GPS1: variants seen among roughly 807,000 people sequenced by gnomAD.
GPS1 encodes G protein pathway suppressor 1.
In GPS1, 11 loss-of-function variants were observed where a neutral mutation model predicts 60.0. The ratio of observed to expected loss-of-function variants is 0.18; its 90% confidence interval spans 0.12 to 0.30. The LOEUF (loss-of-function observed/expected upper bound fraction) is 0.30. GPS1 is among the 10% of genes least tolerant of loss of function. GPS1 has a pLI of 1.00. For missense variants in GPS1, 543 were observed against 669.2 expected (o/e 0.81, Z 2.08); for synonymous variants, 343 against 269.8 (o/e 1.27, Z -2.66).
chr17:82,055,691 G>T (rs956618540), intron 6 of GPS1, 49 bp from the exon 7 acceptor site: 34 of 1,303,172 alleles, frequency 2.6e-5, no homozygotes, highest in Non-Finnish European at 3.3e-5. Context: ...CCCAGGCTCT[G>T]GGGTCTTACC....
chr17:82,051,295 G>A (rs1167313307), upstream of GPS1: 3 of 1,413,478 alleles, frequency 2.1e-6, no homozygotes, highest in South Asian at 1.8e-5. The surrounding 1 kb of genome is among the most constrained non-coding windows in gnomAD (Gnocchi z 4.1). Flanking sequence ...GACACTCACC[G>A]CCCTGGAGCT....
chr17:82,053,430 C>T (rs928889719), intron 2 of GPS1, 64 bp downstream of exon 2: 16 of 1,151,404 alleles, frequency 1.4e-5, no homozygotes, highest in Non-Finnish European at 1.7e-5. Context: ...GGGCACACTC[C>T]CCGCTGCAGC....
upstream of GPS1, chr17:82,051,803 C>A: frequency 8.8e-7 from 1 of 1,130,380 alleles, no homozygotes; most frequent in African/African-American, 1.7e-5. This position sits in a 1 kb window ranked among gnomAD's most constrained non-coding sequence, Gnocchi z 4.1. Flanking sequence ...GAGCGGAGAA[C>A]CTGGCCGGAG....
Position 82,054,815 on chromosome 17 carries a change from G to T in GPS1, c.609+5G>T, listed in dbSNP as rs752206815. The T allele has an allele frequency of 1.3e-6, 2 of 1,588,426 alleles. No homozygotes were observed. The highest frequency in any genetic ancestry group is 8.6e-7 in the Non-Finnish European group (1 of 1,165,208). On this transcript the variant is annotated splice_donor_5th_base_variant and intron_variant, in intron 4 of 12. Transcript: ENST00000578552. ...ATGTGCCTCAATGTCATCAAGGTCG[G>T]CCTGCCTCGGCGGGCGGGGGTGGGC...
upstream of GPS1, chr17:82,051,315 G>C (rs777629635): frequency 2.8e-6 from 4 of 1,442,640 alleles, no homozygotes; most frequent in South Asian, 6.6e-5. This position sits in a 1 kb window ranked among gnomAD's most constrained non-coding sequence, Gnocchi z 4.1. Context: ...TCGAGCTCAG[G>C]GTCGTCCCCG....
At chr17:82,052,596 C>A in intron 1 of GPS1, 1 of 1,072,868 alleles carries the variant, frequency 9.3e-7, no homozygotes, top group Non-Finnish European at 1.3e-6. Flanking sequence ...GAGGGAGCCC[C>A]GGTGGGCCCG....
chr17:82,055,321 A>T (rs1175781381), intron 6 of GPS1, 99 bp downstream of exon 6: 7 of 1,241,598 alleles, frequency 5.6e-6, no homozygotes, highest in Non-Finnish European at 8.1e-6. Flanking sequence ...GCCAGGGAAA[A>T]CTTCCCTGGC....
At chr17:82,054,342 CTG>C (rs2031970182) in intron 3 of GPS1, 166 bp from the exon 4 acceptor site, 2 of 964,058 alleles carry the variant, frequency 2.1e-6, no homozygotes, top group East Asian at 5.3e-5. Flanking sequence ...GCAGTTCTCT[CTG>C]TGGCCCTGGT....
chr17:82,055,619 GGA>G, intron 6 of GPS1, 119 bp from the exon 7 acceptor site: 1 of 685,936 alleles, frequency 1.5e-6, no homozygotes, highest in Non-Finnish European at 2.6e-6. Flanking sequence ...TCCCGGGGCA[GGA>G]GAGGCCAGCG....
Position 82,051,987 on chromosome 17 carries a change from G to GGCCTCCGC in GPS1, c.33+27_33+34dup, listed in dbSNP as rs2030747508. The GGCCTCCGC allele has an allele frequency of 2.6e-6, 3 of 1,154,886 alleles. No individual in the cohort carries two copies. Among genetic ancestry groups the GGCCTCCGC allele is most frequent in the Non-Finnish European group, 3.2e-6 (3 of 937,822 alleles). 71.5% of individuals were successfully genotyped at this position (1,154,886 alleles called of 1,614,324 possible). ...CAGGTAACGAGCCGAGGCCGCCCCG[G>GGCCTCCGC]GCCTCCGCGCCCCCGCGCCCCCCGC... is the stretch of plus-strand genomic sequence containing the variant. On this transcript the variant is annotated intron_variant, in intron 1 of 12. Coordinates refer to ENST00000578552, the MANE Select transcript of GPS1 (RefSeq NM_001321092.3). The surrounding 1 kb of genome is among the most constrained non-coding windows in gnomAD (Gnocchi z 4.1).
chr17:82,053,603 C>T (rs2031673696), intron 2 of GPS1: 3 of 534,536 alleles, frequency 5.6e-6, no homozygotes, highest in Non-Finnish European at 9.8e-6. Context: ...CTCAGCCTAG[C>T]GACCAGCAGT....
intron 3 of GPS1, 160 bp from the exon 4 acceptor site, chr17:82,054,350 C>T (rs2031970905): frequency 8.1e-6 from 8 of 989,482 alleles, no homozygotes; most frequent in African/African-American, 1.6e-5. Flanking sequence ...CTCTGTGGCC[C>T]TGGTGCAGAC....
At chr17:82,051,017 C>T (rs137964839), upstream of GPS1, 13 of 1,402,746 alleles carry the variant, frequency 9.3e-6, no homozygotes, top group Non-Finnish European at 1.2e-5. This position sits in a 1 kb window ranked among gnomAD's most constrained non-coding sequence, Gnocchi z 4.1. Context: ...CTGACCTGGC[C>T]TGGAAGGGCG....
chr17:82,054,117 C>T (rs1338947501), intron 3 of GPS1, 68 bp downstream of exon 3: 2 of 1,484,616 alleles, frequency 1.3e-6, no homozygotes, highest in Non-Finnish European at 9.1e-7. Context: ...GGGACTGGGC[C>T]CCCTTCCTGT....
chr17:82,052,594 C>G (rs942510289), intron 1 of GPS1: 39 of 1,071,202 alleles, frequency 3.6e-5, no homozygotes, highest in Non-Finnish European at 4.7e-5. Flanking sequence ...GGGAGGGAGC[C>G]CCGGTGGGCC....
chr17:82,051,102 G>A, upstream of GPS1: 1 of 1,356,420 alleles, frequency 7.4e-7, no homozygotes, highest in Non-Finnish European at 9.4e-7. The surrounding 1 kb of genome is among the most constrained non-coding windows in gnomAD (Gnocchi z 4.1). Context: ...GTGAGAGGCT[G>A]GTGGGGAGCA....
rs763739435 is a variant in GPS1, at chr17:82,057,196, G to A, written c.*69G>A. ...CTCCACGGACCTCGGACCTCCAGGCGGCTCAGTGCTGCCTGCGGCCCAGCT... is the reference window on the plus strand; with the variant it reads ...CTCCACGGACCTCGGACCTCCAGGCAGCTCAGTGCTGCCTGCGGCCCAGCT... On this transcript the variant is annotated 3_prime_UTR_variant, in exon 13 of 13. Coordinates refer to ENST00000578552, the MANE Select transcript of GPS1 (RefSeq NM_001321092.3). 2.3e-5 allele frequency: 36 copies of A among 1,564,946 alleles called. No individual in the cohort carries two copies. Among genetic ancestry groups the A allele is most frequent in the East Asian group, 2.3e-5 (1 of 44,316 alleles).
In GPS1 at chr17:82,053,925, T is replaced by A. The variant is rs760041840; in HGVS notation, c.184T>A (p.Phe62Ile). The change falls in exon 3 of 13, where the codon TTC becomes ATC. Residue 62 changes from phenylalanine (F) to isoleucine (I), a missense_variant. Phe to Ile is a conservative substitution (Grantham distance 21, BLOSUM62 0). Around this residue, in one of 3 missense-constraint regions of GPS1, gnomAD observed 181 missense variants for 188.8 expected, o/e 0.96. Coordinates refer to ENST00000578552, the MANE Select transcript of GPS1 (RefSeq NM_001321092.3). ...CCTGATGCGCATCGAACGGCTGCAG[T>A]TCATTGCTGATCACTGCCCCACGCT... The part of the protein sequence containing the change: ...SGLMRIERLQ[F>I]IADHCPTLRV... The A allele has an allele frequency of 6.2e-7, 1 of 1,612,916 alleles. No individual in the cohort carries two copies. Among genetic ancestry groups the A allele is most frequent in the South Asian group, 1.1e-5 (1 of 91,086 alleles).
At chr17:82,053,664 T>G in intron 2 of GPS1, 1 of 593,764 alleles carries the variant, frequency 1.7e-6, no homozygotes. Context: ...GTCCCACTCC[T>G]GAGGCTCCTG....
Sources: gnomAD v4.1 joint callset for allele counts on GRCh38, gnomAD v4.1.1 for gene constraint, gnomAD v4.1.1 regional missense constraint, Gnocchi (gnomAD v3.1) non-coding constraint, MANE v1.5 for transcripts, NCBI Gene and HGNC (gene_info 2026-07-23, HGNC 2026-07-21) for gene names.